The following EXOC2 variants were observed in gnomAD, a reference collection of about 807,000 sequenced individuals.
EXOC2 encodes SEC5-like 1.
EXOC2 carries 70 observed loss-of-function variants against 131.8 expected under a neutral mutation model. That is an observed-to-expected ratio of 0.53 (90% CI 0.44 to 0.65). The LOEUF (loss-of-function observed/expected upper bound fraction) is 0.65, where lower values mean the gene tolerates loss of function less well. EXOC2 is among the 30% of genes least tolerant of loss of function. EXOC2 has a pLI of 0.00. For missense variants in EXOC2, 923 were observed against 1,108.6 expected, an observed-to-expected ratio of 0.83 and a Z score of 2.38; for synonymous variants, 411 against 398.4, an observed-to-expected ratio of 1.03 and a Z score of -0.38.
chr6:652,300 C>T (rs193049418), intron 1 of EXOC2, among the ~76,000 whole-genome samples: 51 of 152,304 alleles, frequency 3.3e-4, no homozygotes, highest in African/African-American at 1.2e-3. Flanking sequence ...AACGGAAACA[C>T]ATCTTAGTAA....
At chr6:626,451 C>T (rs981626461) in intron 4 of EXOC2, among the ~76,000 whole-genome samples, 6 of 152,196 alleles carry the variant, frequency 3.9e-5, no homozygotes, top group Non-Finnish European at 5.9e-5. Flanking sequence ...GGACACCACA[C>T]GCAGGGCCCC....
At chr6:660,505 C>A (rs1316773119) in intron 1 of EXOC2, among the ~76,000 whole-genome samples, 1 of 152,192 alleles carries the variant, frequency 6.6e-6, no homozygotes, top group Non-Finnish European at 1.5e-5. Context: ...CCAGTACCAG[C>A]ACAGAGCTGG....
At chr6:659,880 G>A (rs1459810634) in intron 1 of EXOC2, among the ~76,000 whole-genome samples, 2 of 152,048 alleles carry the variant, frequency 1.3e-5, no homozygotes, top group Non-Finnish European at 2.9e-5. Flanking sequence ...GGGAGAGGAC[G>A]CAAATCTGGT....
intron 18 of EXOC2, 132 bp downstream of exon 18, chr6:556,352 G>A (rs1309103469): frequency 7.6e-6 from 7 of 917,230 alleles, no homozygotes; most frequent in African/African-American, 3.3e-5. Context: ...GCACATCTAC[G>A]CAGTTAAACT....
intron 1 of EXOC2, among the ~76,000 whole-genome samples, chr6:687,841 G>A (rs918064855): frequency 1.3e-5 from 2 of 152,176 alleles, no homozygotes; most frequent in African/African-American, 2.4e-5. Flanking sequence ...GCAGGAAAGT[G>A]AAAAAGAGAG....
At chr6:556,728 T>C (rs1048434258) in intron 17 of EXOC2, among the ~76,000 whole-genome samples, 164 bp from the exon 18 acceptor site, 5 of 152,210 alleles carry the variant, frequency 3.3e-5, no homozygotes, top group Non-Finnish European at 7.3e-5. Context: ...GTTTCAGAGG[T>C]TTGGCATATG....
chr6:632,672 A>C (rs965298341), intron 3 of EXOC2, among the ~76,000 whole-genome samples: 1 of 152,240 alleles, frequency 6.6e-6, no homozygotes, highest in African/African-American at 2.4e-5. Flanking sequence ...CTGGTATATC[A>C]AGTGAACGAA....
chr6:616,574 G>A (rs1335767507), intron 6 of EXOC2, among the ~76,000 whole-genome samples: 2 of 119,416 alleles, frequency 1.7e-5, no homozygotes, highest in African/African-American at 3.3e-5. Context: ...CAGCACTCCC[G>A]CCTGGGCGAC....
chr6:677,934 TCACACACACACACACACACA>T (rs1554150218), intron 1 of EXOC2, among the ~76,000 whole-genome samples: 5 of 147,310 alleles, frequency 3.4e-5, no homozygotes, highest in Admixed American at 6.8e-5. Flanking sequence ...TTATAATCTC[TCACACACACACACACACACA>T]CACACACACA....
chr6:619,044 T>C (rs1020443264), intron 5 of EXOC2, among the ~76,000 whole-genome samples: 1 of 152,226 alleles, frequency 6.6e-6, no homozygotes, highest in African/African-American at 2.4e-5. Flanking sequence ...CTTTGCCCTA[T>C]GGTCAGAGAA....
At chr6:552,387 C>T (rs371879788) in intron 21 of EXOC2, among the ~76,000 whole-genome samples, 4 of 152,274 alleles carry the variant, frequency 2.6e-5, no homozygotes, top group African/African-American at 7.2e-5. Flanking sequence ...TGGGGTGGCT[C>T]GGGATGGCCC....
chr6:668,672 A>G (rs1481325153), intron 1 of EXOC2, among the ~76,000 whole-genome samples: 1 of 152,170 alleles, frequency 6.6e-6, no homozygotes, highest in Non-Finnish European at 1.5e-5. Flanking sequence ...TAGAGATACT[A>G]TGGTCTCTTG....
intron 1 of EXOC2, among the ~76,000 whole-genome samples, chr6:678,087 G>A (rs1764235765): frequency 6.6e-6 from 1 of 152,136 alleles, no homozygotes; most frequent in African/African-American, 2.4e-5. Flanking sequence ...ATGCTAACTG[G>A]CACGAAGGAC....
Position 486,488 on chromosome 6 carries a change from C to T in EXOC2, c.*183G>A, listed in dbSNP as rs1282395331. On this transcript the variant is annotated 3_prime_UTR_variant, in exon 28 of 28. Transcript: ENST00000230449. ...GTAAGAATGGCAAAACAAATACTTC[C>T]TGGGCATTTCAAATGAGGTCATTTT... The T allele has an allele frequency of 1.6e-5, 9 of 562,166 alleles. No individual in the cohort carries two copies. Among genetic ancestry groups the T allele is most frequent in the Non-Finnish European group, 2.9e-5 (9 of 314,510 alleles). The allele number at this position is 562,166 out of a possible 1,614,324, so 34.8% of individuals were successfully genotyped here.
At chr6:528,253 A>G (rs905071048) in intron 23 of EXOC2, among the ~76,000 whole-genome samples, 1 of 152,216 alleles carries the variant, frequency 6.6e-6, no homozygotes, top group East Asian at 1.9e-4. Flanking sequence ...CGGAAACTAA[A>G]TTTATTGGTA....
Position 623,383 on chromosome 6 carries a change from C to G in EXOC2, c.423-3840G>C, listed in dbSNP as rs538517363. On this transcript the variant is annotated intron_variant, in intron 4 of 27. Coordinates refer to ENST00000230449, the MANE Select transcript of EXOC2 (RefSeq NM_018303.6). ...AAATACCACCTCCCCTAAGACGGAG[C>G]TGATTATTCTGAGAGTTCTTACTGA... is the stretch of plus-strand genomic sequence containing the variant. Among the ~76,000 whole-genome samples, 5 of 152,328 alleles carry G rather than the reference C, an allele frequency of 3.3e-5. No homozygotes were observed. In the East Asian group the frequency reaches 9.6e-4, roughly 29 times the overall value.
intron 1 of EXOC2, among the ~76,000 whole-genome samples, chr6:650,508 T>C (rs1408126715): frequency 6.6e-6 from 1 of 152,268 alleles, no homozygotes; most frequent in African/African-American, 2.4e-5. Flanking sequence ...GTTTTTACTG[T>C]ATAATTACAC....
At chr6:691,880 T>C (rs1413081845) in intron 1 of EXOC2, among the ~76,000 whole-genome samples, 15 of 152,194 alleles carry the variant, frequency 9.9e-5, no homozygotes, top group Non-Finnish European at 2.2e-4. Flanking sequence ...GACAAACAAG[T>C]GAACATGTAA....
chr6:565,003 A>G, intron 13 of EXOC2, 74 bp from the exon 14 acceptor site: 2 of 1,156,792 alleles, frequency 1.7e-6, no homozygotes, highest in Non-Finnish European at 2.4e-6. Flanking sequence ...GCACTTGTAC[A>G]TCAAGAGAAC....
Sources: gnomAD v4.1 joint callset for allele counts (sites outside exome capture counted in the v4.1 genomes callset) on GRCh38, gnomAD v4.1.1 for gene constraint, MANE v1.5 for transcripts, NCBI Gene and HGNC (gene_info 2026-07-23, HGNC 2026-07-21) for gene names.